The following ERCC8 variants were observed in gnomAD, a reference collection of about 807,000 sequenced individuals.
ERCC8 encodes the protein DNA excision repair protein ERCC-8.
Under a neutral mutation model 54.9 loss-of-function variants are expected in ERCC8, and 52 were observed. The ratio of observed to expected loss-of-function variants is 0.95; its 90% CI spans 0.76 to 1.19. ERCC8 has a LOEUF of 1.19. ERCC8 is among the 50% of genes most tolerant of loss of function. The pLI is 0.00. For synonymous variants in ERCC8, 146 were observed against 157.2 expected (o/e 0.93, Z 0.53); for missense variants, 514 against 466.1 (o/e 1.10, Z -0.95).
intron 1 of ERCC8, among the ~76,000 whole-genome samples, chr5:60,931,703 T>C (rs976904646): frequency 3.9e-5 from 6 of 152,224 alleles, no homozygotes; most frequent in African/African-American, 1.2e-4. Flanking sequence ...TATTTTTCCA[T>C]TGAAATTGCC....
chr5:60,926,357 TGTA>T (rs774315679), intron 2 of ERCC8, among the ~76,000 whole-genome samples: 3 of 152,202 alleles, frequency 2.0e-5, no homozygotes, highest in Admixed American at 6.5e-5. Flanking sequence ...TGTGTAATGA[TGTA>T]GTAGATTTAT....
chr5:60,904,073 T>C (rs967139523), intron 5 of ERCC8, among the ~76,000 whole-genome samples: 9 of 152,124 alleles, frequency 5.9e-5, no homozygotes, highest in African/African-American at 2.2e-4. Context: ...GAAATTTGTA[T>C]TGGTAAATGT....
intron 1 of ERCC8, among the ~76,000 whole-genome samples, chr5:60,940,595 T>A (rs1750228778): frequency 6.6e-6 from 1 of 152,130 alleles, no homozygotes; most frequent in Admixed American, 6.5e-5. Context: ...ACTCCAGAAC[T>A]CATCCCTGAG....
rs375699552 is a variant in ERCC8, at chr5:60,893,727, T to C, written c.844-2641A>G. 6.8e-4 allele frequency: 287 copies of C among 420,782 alleles called. 1 individual carries two copies. The highest frequency in any genetic ancestry group is 5.5e-3 in the African/African-American group (274 of 49,566). The allele number at this position is 420,782 out of a possible 1,614,324, so 26.1% of individuals were successfully genotyped here. A position where few individuals can be genotyped will look rare whatever the true frequency, so the allele number is the denominator to read the frequency against. On this transcript the variant is annotated intron_variant, in intron 9 of 11. Transcript: ENST00000676185. ...GGATGCCAGCCTGGCGGCGCCCGAC[T>C]CCGCCCACTGGGCAGTCTCCACGAG...
chr5:60,917,104 C>T (rs969722601), intron 4 of ERCC8, among the ~76,000 whole-genome samples: 1 of 151,978 alleles, frequency 6.6e-6, no homozygotes, highest in African/African-American at 2.4e-5. Flanking sequence ...ACCATCTAGT[C>T]TGACACTTTA....
intron 1 of ERCC8, among the ~76,000 whole-genome samples, chr5:60,942,425 A>T (rs158934): frequency 0.57 from 86,755 of 152,010 alleles, 26,044 homozygotes; most frequent in East Asian, 0.94. Context: ...AAGTGACTAG[A>T]TAAACTGTGG....
chr5:60,928,237 G>A (rs1351349666), intron 2 of ERCC8, among the ~76,000 whole-genome samples: 1 of 152,158 alleles, frequency 6.6e-6, no homozygotes. Context: ...GTAGAGACTG[G>A]GCTGAAAGGA....
At position 60,918,285 on chromosome 5, in the gene ERCC8, AT is replaced by A. The variant is rs1749497228; in HGVS notation, c.378del (p.Trp127GlyfsTer33). The stretch of plus-strand genomic sequence containing the variant: ...CTTACTTGTAATGTATTTGTATCCC[AT>A]ACTTTCAGAGTTTTATCAAATGAGC... Reference protein sequence around the residue: ...TSSSFDKTLKVWDTNTLQTAD... With the variant: ...TSSSFDKTLKXWDTNTLQTAD... On this transcript the variant is annotated frameshift_variant, in exon 4 of 12. Coordinates refer to ENST00000676185, the MANE Select transcript of ERCC8 (RefSeq NM_000082.4). LOFTEE classifies it high-confidence loss of function. 1 of 1,599,180 alleles carries A rather than the reference AT, an allele frequency of 6.3e-7. No homozygotes were observed. The highest frequency in any genetic ancestry group is 1.3e-5 in the African/African-American group (1 of 74,542).
At chr5:60,923,910 A>G (rs987174157) in intron 2 of ERCC8, among the ~76,000 whole-genome samples, 2 of 152,100 alleles carry the variant, frequency 1.3e-5, no homozygotes, top group Non-Finnish European at 2.9e-5. Context: ...ACTCATTATC[A>G]TGATTTTTAT....
chr5:60,882,443 G>T (rs1042695569), intron 11 of ERCC8, among the ~76,000 whole-genome samples: 1 of 152,180 alleles, frequency 6.6e-6, no homozygotes, highest in Non-Finnish European at 1.5e-5. Flanking sequence ...CACCCAGGCT[G>T]GAGTGCAGTG....
At chr5:60,917,931 T>C (rs986191905) in intron 4 of ERCC8, 1 of 247,498 alleles carries the variant, frequency 4.0e-6, no homozygotes, top group African/African-American at 2.2e-5. Flanking sequence ...GATAATAATA[T>C]TAGCTAACAG....
rs1405585503 is a variant in ERCC8 at position 60,871,397 on chromosome 5, C to T, written c.*3218G>A. ...CAGTTCTGCAAAATAAAAATACATC[C>T]CCTATATGTCTGCATAGATATATAT... On this transcript the variant is annotated 3_prime_UTR_variant, in exon 12 of 12. Coordinates refer to ENST00000676185, the MANE Select transcript of ERCC8 (RefSeq NM_000082.4). Among the ~76,000 whole-genome samples the T allele has an allele frequency of 6.6e-6, 1 of 151,938 alleles. No homozygotes were observed. The highest frequency in any genetic ancestry group is 6.6e-5 in the Admixed American group (1 of 15,260).
intron 11 of ERCC8, among the ~76,000 whole-genome samples, chr5:60,878,571 G>C (rs1048140522): frequency 6.6e-6 from 1 of 152,186 alleles, no homozygotes; most frequent in Non-Finnish European, 1.5e-5. Flanking sequence ...TCTATTCAGA[G>C]ATTCAACTTC....
rs556019108 is a variant in ERCC8 at position 60,934,600 on chromosome 5, G to A, written c.78-5641C>T. Among the ~76,000 whole-genome samples, 20 of 152,170 alleles carry A rather than the reference G, an allele frequency of 1.3e-4. No individual in the cohort carries two copies. In the East Asian group the frequency reaches 3.5e-3, roughly 26 times the overall value. On this transcript the variant is annotated intron_variant, in intron 1 of 11. Coordinates refer to ENST00000676185, the MANE Select transcript of ERCC8 (RefSeq NM_000082.4). ...CTATCTATTTATCTTTGTTTTTGTC[G>A]TGTTTGCTTTTCGGTTCTTGGTCAT...
chr5:60,880,052 G>C (rs1406262268), intron 11 of ERCC8, among the ~76,000 whole-genome samples: 7 of 152,252 alleles, frequency 4.6e-5, no homozygotes, highest in African/African-American at 1.7e-4. Context: ...CTCTTTTAGG[G>C]CAGGCCTGGT....
chr5:60,878,634 T>G (rs1282474845), intron 11 of ERCC8, among the ~76,000 whole-genome samples: 1 of 152,260 alleles, frequency 6.6e-6, no homozygotes, highest in Non-Finnish European at 1.5e-5. Flanking sequence ...ATCCATTTCT[T>G]CTAGATTTTC....
At chr5:60,874,949 C>CA (rs1326493701) in intron 11 of ERCC8, among the ~76,000 whole-genome samples, 1 of 152,156 alleles carries the variant, frequency 6.6e-6, no homozygotes, top group Non-Finnish European at 1.5e-5. Context: ...TACATACACA[C>CA]ATACATACAT....
Position 60,880,777 on chromosome 5 carries a change from T to G in ERCC8, c.1123-6094A>C, listed in dbSNP as rs1434260908. On this transcript the variant is annotated intron_variant, in intron 11 of 11. Coordinates refer to ENST00000676185, the MANE Select transcript of ERCC8 (RefSeq NM_000082.4). ...AGTTAGCCATTTGTCTAATTTTTTT[T>G]CAAGGTTTTTAACTTCTTTGCCATG... 3.3e-5 allele frequency among the ~76,000 whole-genome samples: 5 copies of G among 152,212 alleles called. No homozygotes were observed. In the South Asian group the frequency reaches 1.0e-3, roughly 32 times the overall value.
At chr5:60,932,331 G>T (rs75274920) in intron 1 of ERCC8, among the ~76,000 whole-genome samples, 1,978 of 152,232 alleles carry the variant, frequency 0.013, 46 homozygotes, top group African/African-American at 0.046. Flanking sequence ...TTTCAGGAGG[G>T]TGCCCACCAT....
Sources: gnomAD v4.1 joint callset for allele counts (sites outside exome capture counted in the v4.1 genomes callset) on GRCh38, gnomAD v4.1.1 for gene constraint, MANE v1.5 for transcripts, NCBI Gene and HGNC (gene_info 2026-07-23, HGNC 2026-07-21) for gene names.